Variants in FRY observed in about 807,000 individuals in gnomAD.
FRY encodes protein furry homolog.
FRY carries 128 observed loss-of-function variants against 348.4 expected under a neutral mutation model. The ratio of observed to expected loss-of-function variants is 0.37; its 90% CI spans 0.32 to 0.43. The LOEUF is 0.43. Among genes scored for constraint, FRY ranks in the 20% least tolerant of loss-of-function variants. The pLI is 1.00. For synonymous variants in FRY, 1,370 were observed against 1,374.7 expected (o/e 1.00, Z 0.08); for missense variants, 2,736 against 3,695.2 (o/e 0.74, Z 6.73).
Position 32,211,097 on chromosome 13 carries a change from C to T in FRY, c.4591+63C>T, listed in dbSNP as rs1309001638. 8 of 1,423,384 alleles carry T rather than the reference C, an allele frequency of 5.6e-6. No individual in the cohort carries two copies. In the South Asian group the frequency reaches 6.9e-5, roughly 12 times the overall value. The allele number at this position is 1,423,384 out of a possible 1,614,324, so 88.2% of individuals were successfully genotyped here. ...CCCTGGGGTTTCCTTCATGTAGATT[C>T]CTGAAAGGATATGAGAATGTGTTTG... On this transcript the variant is annotated intron_variant, in intron 34 of 60. Coordinates refer to ENST00000542859, the MANE Select transcript of FRY (RefSeq NM_023037.3).
intron 2 of FRY, among the ~76,000 whole-genome samples, chr13:32,085,227 C>G (rs373077254): frequency 1.3e-5 from 2 of 152,254 alleles, no homozygotes; most frequent in East Asian, 3.9e-4. Context: ...ACACTGACTC[C>G]AGCAACGGGT....
intron 1 of FRY, among the ~76,000 whole-genome samples, chr13:32,066,391 C>A (rs9533341): frequency 0.034 from 5,193 of 152,270 alleles, 95 homozygotes; most frequent in African/African-American, 0.039. Flanking sequence ...ACTCCAAAGT[C>A]ATTTCTGTTC....
At chr13:32,108,409 C>T (rs1877720704) in intron 3 of FRY, among the ~76,000 whole-genome samples, 1 of 152,178 alleles carries the variant, frequency 6.6e-6, no homozygotes, top group African/African-American at 2.4e-5. Flanking sequence ...AGAAAAATGA[C>T]ACTATCAGTT....
chr13:32,228,412 C>T (rs1283380724), intron 39 of FRY, 44 bp from the exon 40 acceptor site: 3 of 1,410,058 alleles, frequency 2.1e-6, no homozygotes, highest in Middle Eastern at 2.5e-4. Flanking sequence ...TGCTGACAAG[C>T]ACACTGCCTA....
At chr13:32,115,997 A>C (rs1432028131) in intron 3 of FRY, among the ~76,000 whole-genome samples, 1 of 152,126 alleles carries the variant, frequency 6.6e-6, no homozygotes, top group Non-Finnish European at 1.5e-5. Context: ...TTTATATTAA[A>C]ATATGATTTT....
rs112204710 is a variant in FRY, at chr13:32,159,853, A to G, written c.1785-1291A>G. ...CTCTAACACTGTACAGCTATTGAGG[A>G]TATCTGAAAACATTTCTTTCCTTGG... On this transcript the variant is annotated intron_variant, in intron 16 of 60. Transcript: ENST00000542859. Among the ~76,000 whole-genome samples the G allele has an allele frequency of 7.0e-3, 1,070 of 152,310 alleles. 11 individuals are homozygous for G. The highest frequency in any genetic ancestry group is 0.025 in the African/African-American group (1,024 of 41,570).
intron 14 of FRY, 77 bp from the exon 15 acceptor site, chr13:32,155,414 A>G (rs1881052882): frequency 9.6e-7 from 1 of 1,044,208 alleles, no homozygotes; most frequent in South Asian, 1.3e-5. Context: ...AGTCTTAACT[A>G]TCTGAAAGAC....
In FRY at chr13:32,178,412, C is replaced by T. The variant is rs568220073; in HGVS notation, c.2657C>T (p.Ser886Leu). 38 of 1,614,086 alleles carry T rather than the reference C, an allele frequency of 2.4e-5. No homozygotes were observed. The East Asian group carries it at 4.9e-4, about 21-fold the overall frequency. Residue 886 changes from serine to leucine, a missense_variant, in exon 21 of 61, where the codon TCG (serine) becomes TTG (leucine). Coordinates refer to ENST00000542859, the MANE Select transcript of FRY (RefSeq NM_023037.3). ...AWPYAFTRLQSVMPLVDPNSP... is the reference protein window; with the variant it reads ...AWPYAFTRLQLVMPLVDPNSP... ...CCTTATGCCTTCACTCGGCTCCAGT[C>T]GGTGATGCCTCTGGTGGACCCAAAG... is the stretch of plus-strand genomic sequence containing the variant.
intron 29 of FRY, among the ~76,000 whole-genome samples, chr13:32,194,660 G>A (rs2073993): frequency 0.49 from 74,136 of 152,024 alleles, 18,000 homozygotes; most frequent in Non-Finnish European, 0.49. Context: ...CATCTTTACA[G>A]AAGACCAAAC....
intron 55 of FRY, among the ~76,000 whole-genome samples, chr13:32,271,846 T>C (rs1183524991): frequency 3.3e-5 from 5 of 152,018 alleles, no homozygotes; most frequent in Non-Finnish European, 5.9e-5. Flanking sequence ...GAGAGCAAAG[T>C]GGTTGTGGAA....
At chr13:32,269,884 T>C (rs1888119668) in intron 55 of FRY, among the ~76,000 whole-genome samples, 1 of 152,202 alleles carries the variant, frequency 6.6e-6, no homozygotes. Flanking sequence ...TATATACCAG[T>C]AGTGCAGATA....
intron 2 of FRY, among the ~76,000 whole-genome samples, chr13:32,099,785 T>G (rs1272043722): frequency 1.3e-5 from 2 of 151,906 alleles, no homozygotes; most frequent in Admixed American, 1.3e-4. Context: ...TCTCAAAATG[T>G]CAATAATGTC....
chr13:32,226,001 C>T (rs1180462163), intron 39 of FRY, 27 bp downstream of exon 39: 26 of 1,603,416 alleles, frequency 1.6e-5, no homozygotes, highest in Non-Finnish European at 2.1e-5. Context: ...GGTAGAGAGC[C>T]TAGGACAGTT....
intron 1 of FRY, among the ~76,000 whole-genome samples, chr13:32,070,506 A>G (rs1394782145): frequency 6.7e-6 from 1 of 149,958 alleles, no homozygotes; most frequent in African/African-American, 2.4e-5. Flanking sequence ...GGCCACATAA[A>G]TGTCTTCTTT....
At chr13:32,208,032 A>G (rs911482327) in intron 31 of FRY, among the ~76,000 whole-genome samples, 4 of 152,268 alleles carry the variant, frequency 2.6e-5, no homozygotes, top group African/African-American at 9.6e-5. Flanking sequence ...ATAAAATTAA[A>G]TGCTGCTGGC....
chr13:32,154,077 AG>A (rs1479184765), intron 14 of FRY, among the ~76,000 whole-genome samples: 2 of 152,204 alleles, frequency 1.3e-5, no homozygotes, highest in Non-Finnish European at 1.5e-5. Context: ...CAAATAATTG[AG>A]GCTTGACCAC....
rs558119698 is a variant in FRY at position 32,046,784 on chromosome 13, T to A, written c.70+14919T>A. Among the ~76,000 whole-genome samples, 21 of 152,352 alleles carry A rather than the reference T, an allele frequency of 1.4e-4. No individual in the cohort carries two copies. In the South Asian group the frequency reaches 4.3e-3, roughly 32 times the overall value. On this transcript the variant is annotated intron_variant, in intron 1 of 60. Coordinates refer to ENST00000542859, the MANE Select transcript of FRY (RefSeq NM_023037.3). Reference sequence around the variant, plus strand: ...AGAAGCCATGATGTTTTACTTTGTTTTTGTCTCTTTTTAAATTTTTCTGCC... The same window carrying A: ...AGAAGCCATGATGTTTTACTTTGTTATTGTCTCTTTTTAAATTTTTCTGCC...
At chr13:32,273,116 T>G (rs1888289077) in intron 55 of FRY, among the ~76,000 whole-genome samples, 1 of 152,206 alleles carries the variant, frequency 6.6e-6, no homozygotes, top group South Asian at 2.1e-4. Flanking sequence ...AGCAGTAACC[T>G]TAGGAAGCAA....
chr13:32,104,806 A>C (rs1176990578), intron 3 of FRY, among the ~76,000 whole-genome samples: 1 of 152,152 alleles, frequency 6.6e-6, no homozygotes, highest in Non-Finnish European at 1.5e-5. Flanking sequence ...AATAAATCTC[A>C]TGAGATTTGA....
Sources: gnomAD v4.1 joint callset for allele counts (sites outside exome capture counted in the v4.1 genomes callset) on GRCh38, gnomAD v4.1.1 for gene constraint, MANE v1.5 for transcripts, NCBI Gene and HGNC (gene_info 2026-07-23, HGNC 2026-07-21) for gene names.